The following NIPBL variants were observed in gnomAD, a reference collection of about 807,000 sequenced individuals.
NIPBL encodes nipped-B-like protein.
A neutral mutation model predicts 321.8 loss-of-function variants in NIPBL; 19 were observed. That is an observed-to-expected ratio of 0.06 (90% confidence interval 0.04 to 0.09). The LOEUF (loss-of-function observed/expected upper bound fraction) is 0.09, where lower values mean the gene tolerates loss of function less well. Among genes scored for constraint, NIPBL ranks in the 10% least tolerant of loss-of-function variants. The probability of loss-of-function intolerance (pLI) is 1.00; values close to 1 mark genes in which losing one functional copy is unlikely to be tolerated. For synonymous variants in NIPBL, 1,106 were observed against 1,114.1 expected, an observed-to-expected ratio of 0.99 and a Z score of 0.14; for missense variants, 2,210 against 3,327.0, an observed-to-expected ratio of 0.66 and a Z score of 8.26.
At chr5:36,935,074 G>A (rs760472789) in intron 1 of NIPBL, among the ~76,000 whole-genome samples, 5 of 151,912 alleles carry the variant, frequency 3.3e-5, no homozygotes, top group East Asian at 3.9e-4. Flanking sequence ...CAGTTCCTTC[G>A]CTCCTCTCTG....
intron 40 of NIPBL, chr5:37,051,523 T>A: frequency 1.9e-6 from 1 of 519,286 alleles, no homozygotes; most frequent in Non-Finnish European, 3.4e-6. Flanking sequence ...GCTTTATGTT[T>A]AAAGAACCTA....
chr5:36,918,633 C>T (rs997731773), intron 1 of NIPBL, among the ~76,000 whole-genome samples: 1 of 152,084 alleles, frequency 6.6e-6, no homozygotes, highest in African/African-American at 2.4e-5. Context: ...CCAGTTTTTG[C>T]CCATTCAGTA....
intron 36 of NIPBL, 85 bp from the exon 37 acceptor site, chr5:37,045,358 A>G (rs534365205): frequency 1.8e-6 from 2 of 1,142,514 alleles, no homozygotes; most frequent in African/African-American, 3.2e-5. Context: ...TCTCAAAAAA[A>G]AAATTGTAAT....
At chr5:36,891,257 C>T (rs2149524227) in intron 1 of NIPBL, among the ~76,000 whole-genome samples, 1 of 152,090 alleles carries the variant, frequency 6.6e-6, no homozygotes, top group African/African-American at 2.4e-5. Flanking sequence ...GAGCGAGACT[C>T]CATCTCAAAA....
At position 36,975,632 on chromosome 5, in the gene NIPBL, A is replaced by C. The variant is rs1015124778; in HGVS notation, c.869-144A>C. ...GGACAAGTTTTTAAGCTTTCTTTTC[A>C]TCTTTCGTAAATAAGTAGCTTGGAT... is the stretch of plus-strand genomic sequence containing the variant. On this transcript the variant is annotated intron_variant, in intron 8 of 46. Transcript: ENST00000282516. The C allele has an allele frequency of 4.9e-6, 4 of 809,068 alleles. No individual in the cohort carries two copies. In the African/African-American group the frequency reaches 5.2e-5, roughly 11 times the overall value. The allele number at this position is 809,068 out of a possible 1,614,324, so 50.1% of individuals were successfully genotyped here.
intron 1 of NIPBL, among the ~76,000 whole-genome samples, chr5:36,952,053 T>TGTGTGTGCGCGC (rs778597604): frequency 2.5e-3 from 279 of 112,166 alleles, no homozygotes; most frequent in Non-Finnish European, 4.0e-3. Context: ...TGTGTGTGTG[T>TGTGTGTGCGCGC]GCGCGCGCGC....
At chr5:37,018,445 A>G (rs1446357087) in intron 24 of NIPBL, among the ~76,000 whole-genome samples, 1 of 152,146 alleles carries the variant, frequency 6.6e-6, no homozygotes, top group Non-Finnish European at 1.5e-5. Flanking sequence ...ATATATTCCC[A>G]TCATAATTTG....
intron 1 of NIPBL, among the ~76,000 whole-genome samples, chr5:36,877,993 A>G (rs1382499299): frequency 6.6e-6 from 1 of 152,214 alleles, no homozygotes; most frequent in Non-Finnish European, 1.5e-5. Flanking sequence ...TTCTATTTGT[A>G]TGCGTTATGT....
At chr5:36,918,417 A>G (rs2149554482) in intron 1 of NIPBL, among the ~76,000 whole-genome samples, 1 of 152,130 alleles carries the variant, frequency 6.6e-6, no homozygotes, top group Middle Eastern at 3.4e-3. Flanking sequence ...GCCTAAGGAG[A>G]TTTTGGTCTG....
Position 36,986,068 on chromosome 5 carries a change from G to A in NIPBL, c.2888G>A (p.Arg963Lys), listed in dbSNP as rs200249421. ...LKNFVIPKIK[R>K]DKDGNVTQET... ...AATTTTGTCATTCCGAAAATCAAGA[G>A]GGATAAAGATGGCAATGTTACTCAG... The change falls in exon 10 of 47, where the codon AGG becomes AAG. Residue 963 changes from arginine to lysine, a missense_variant. Arg to Lys is a conservative substitution (Grantham distance 26, BLOSUM62 2). Around this residue, in one of 14 missense-constraint regions of NIPBL, gnomAD observed 588 missense variants for 564.1 expected, o/e 1.04. Coordinates refer to ENST00000282516, the MANE Select transcript of NIPBL (RefSeq NM_133433.4). The A allele has an allele frequency of 6.2e-7, 1 of 1,613,912 alleles. No homozygotes were observed.
intron 21 of NIPBL, among the ~76,000 whole-genome samples, chr5:37,011,052 T>C (rs1748058273): frequency 6.6e-6 from 1 of 152,186 alleles, no homozygotes; most frequent in African/African-American, 2.4e-5. Context: ...ATTAAATTCA[T>C]GTGGAAAATG....
intron 20 of NIPBL, among the ~76,000 whole-genome samples, chr5:37,009,637 T>C (rs1204783083): frequency 6.6e-6 from 1 of 152,206 alleles, no homozygotes; most frequent in Non-Finnish European, 1.5e-5. Context: ...GATGTGGAAA[T>C]TGATTTTTTA....
intron 33 of NIPBL, among the ~76,000 whole-genome samples, chr5:37,037,911 A>G (rs1222270080): frequency 1.3e-5 from 2 of 150,374 alleles, no homozygotes; most frequent in African/African-American, 2.4e-5. Flanking sequence ...CTGCAACAAC[A>G]TGTCTTTTTG....
chr5:36,907,171 A>G (rs1193096091), intron 1 of NIPBL, among the ~76,000 whole-genome samples: 1 of 152,194 alleles, frequency 6.6e-6, no homozygotes, highest in African/African-American at 2.4e-5. Context: ...GAGAGTCTGC[A>G]TTTCTAACAA....
chr5:36,885,354 G>T, intron 1 of NIPBL: 1 of 470,060 alleles, frequency 2.1e-6, no homozygotes. Context: ...TCCGTGTCCT[G>T]TTCCACCAGC....
At position 36,946,556 on chromosome 5, in the gene NIPBL, G is replaced by A. The variant is rs7716335; in HGVS notation, c.-79-7062G>A. Among the ~76,000 whole-genome samples, 1,267 of 142,682 alleles carry A rather than the reference G, an allele frequency of 8.9e-3. 15 individuals carry two copies. The highest frequency in any genetic ancestry group is 0.032 in the African/African-American group (1,201 of 37,148). 93.6% of individuals were successfully genotyped at this position (142,682 alleles called of 152,430 possible). A position where few individuals can be genotyped will look rare whatever the true frequency, so the allele number is the denominator to read the frequency against. On this transcript the variant is annotated intron_variant, in intron 1 of 46. Coordinates refer to ENST00000282516, the MANE Select transcript of NIPBL (RefSeq NM_133433.4). ...TTGCTCAAAAACAGTGTGTGTGTGT[G>A]TATATATATGCATGTGTCTGTGTGT...
At chr5:36,956,847 A>G (rs866695770) in intron 3 of NIPBL, among the ~76,000 whole-genome samples, 13 of 151,772 alleles carry the variant, frequency 8.6e-5, no homozygotes, top group African/African-American at 3.1e-4. Flanking sequence ...CTGGTCTCAA[A>G]TTCCCGACTT....
intron 7 of NIPBL, 96 bp downstream of exon 7, chr5:36,971,132 A>G (rs570908250): frequency 6.4e-6 from 6 of 934,656 alleles, no homozygotes; most frequent in African/African-American, 3.3e-5. Context: ...TACCTACCGT[A>G]TATCATTATA....
In NIPBL at chr5:37,026,354, G is replaced by A. The variant is rs1750265292; in HGVS notation, c.5808+27G>A. On this transcript the variant is annotated intron_variant, in intron 31 of 46. Transcript: ENST00000282516. ...TAAGAAGGACTGGAACAAGGGTGTG[G>A]TCACTGTTGATCCAGACCTAATTGA... The A allele has an allele frequency of 4.4e-6, 6 of 1,359,156 alleles. No homozygotes were observed. The South Asian group carries it at 4.7e-5, about 11-fold the overall frequency. 84.2% of individuals were successfully genotyped at this position (1,359,156 alleles called of 1,614,324 possible). A position where few individuals can be genotyped will look rare whatever the true frequency, so the allele number is the denominator to read the frequency against.
Sources: allele counts gnomAD v4.1 joint callset (sites outside exome capture counted in the v4.1 genomes callset), GRCh38; gene constraint gnomAD v4.1.1; regional missense constraint gnomAD v4.1.1; transcripts MANE v1.5; gene names NCBI Gene and HGNC (gene_info 2026-07-23, HGNC 2026-07-21).